Variants in DUSP10 observed in about 807,000 individuals in gnomAD.
The protein encoded by DUSP10 is dual specificity phosphatase 10, also known as dual specificity protein phosphatase 10.
DUSP10 carries 14 observed loss-of-function variants against 30.8 expected under a neutral mutation model. The observed-to-expected ratio is 0.46, with a 90% CI of 0.30 to 0.71. The LOEUF (loss-of-function observed/expected upper bound fraction) is 0.71. Ranked by LOEUF, DUSP10 falls within the 30% of genes least tolerant of loss-of-function variation. The pLI, the probability that DUSP10 is intolerant of heterozygous loss-of-function variation, is 0.08. For missense variants in DUSP10, 550 were observed against 619.4 expected, an observed-to-expected ratio of 0.89 and a Z score of 1.19; for synonymous variants, 254 against 250.4, an observed-to-expected ratio of 1.01 and a Z score of -0.14.
chr1:221,733,306 C>T (rs1235258329), intron 2 of DUSP10, among the ~76,000 whole-genome samples: 2 of 152,232 alleles, frequency 1.3e-5, no homozygotes, highest in Admixed American at 1.3e-4. Context: ...TCTCCCTTCT[C>T]CTTTCTCCTA....
intron 2 of DUSP10, among the ~76,000 whole-genome samples, chr1:221,732,957 A>G (rs1032059461): frequency 1.3e-5 from 2 of 152,248 alleles, no homozygotes; most frequent in African/African-American, 2.4e-5. Context: ...TTTAGTTCCA[A>G]AAAGGTGAGA....
chr1:221,723,791 T>A (rs1490431807), intron 2 of DUSP10, among the ~76,000 whole-genome samples: 1 of 152,256 alleles, frequency 6.6e-6, no homozygotes, highest in Non-Finnish European at 1.5e-5. Context: ...GACACAGCAA[T>A]GTGTTCACTA....
At chr1:221,741,251 G>A (rs535100780) in intron 1 of DUSP10, among the ~76,000 whole-genome samples, 17 of 152,196 alleles carry the variant, frequency 1.1e-4, no homozygotes, top group Non-Finnish European at 2.1e-4. Context: ...TATTCCAGAA[G>A]CTATAACTGT....
At position 221,732,735 on chromosome 1, in the gene DUSP10, C is replaced by T. The variant is rs77599661; in HGVS notation, c.811+6199G>A. On this transcript the variant is annotated intron_variant, in intron 2 of 3. Transcript: ENST00000366899. The stretch of plus-strand genomic sequence containing the variant: ...CCGGACTAGATCAATGGTTCTCAAA[C>T]TTTGCTGCCTGTTAGAATCACTTTG... Among the ~76,000 whole-genome samples the T allele has an allele frequency of 2.3e-3, 352 of 152,290 alleles. 2 individuals carry two copies. Among genetic ancestry groups the T allele is most frequent in the African/African-American group, 8.1e-3 (337 of 41,550 alleles).
At chr1:221,709,165 T>G (rs1660861080) in intron 2 of DUSP10, among the ~76,000 whole-genome samples, 1 of 152,138 alleles carries the variant, frequency 6.6e-6, no homozygotes. Context: ...AGACATACAA[T>G]GACATCAGTT....
intron 2 of DUSP10, among the ~76,000 whole-genome samples, chr1:221,734,418 C>A (rs1661704516): frequency 1.3e-5 from 2 of 152,202 alleles, no homozygotes; most frequent in Admixed American, 6.5e-5. Flanking sequence ...CTATACCTAG[C>A]TTGTTATTTG....
intron 2 of DUSP10, among the ~76,000 whole-genome samples, chr1:221,709,226 T>C (rs985613118): frequency 1.3e-5 from 2 of 152,262 alleles, no homozygotes; most frequent in East Asian, 3.9e-4. Context: ...AACTACTTTG[T>C]TTAAGGCCTT....
chr1:221,739,392 A>C lies in DUSP10; in HGVS notation c.353T>G (p.Val118Gly). The C allele has an allele frequency of 6.2e-7, 1 of 1,613,918 alleles. No homozygotes were observed. Among genetic ancestry groups the C allele is most frequent in the Admixed American group, 1.7e-5 (1 of 60,002 alleles). ...TSTTCPANQM[V>G]NNNENTGSLS... ...AGAGCCTGTATTCTCATTATTGTTG[A>C]CCATCTGGTTAGCAGGGCAGGTGGT... The change falls in exon 2 of 4, where the codon GTC becomes GGC. Residue 118 changes from valine (V) to glycine (G), a missense_variant. Coordinates refer to ENST00000366899, the MANE Select transcript of DUSP10 (RefSeq NM_007207.6).
intron 2 of DUSP10, among the ~76,000 whole-genome samples, chr1:221,721,821 G>C (rs1661286542): frequency 6.6e-6 from 1 of 152,160 alleles, no homozygotes; most frequent in Admixed American, 6.5e-5. Context: ...CCTCAATTCA[G>C]TTTAATATAC....
At chr1:221,710,290 G>C (rs1262864496) in intron 2 of DUSP10, among the ~76,000 whole-genome samples, 1 of 152,148 alleles carries the variant, frequency 6.6e-6, no homozygotes, top group Non-Finnish European at 1.5e-5. Flanking sequence ...GAGTATTGAG[G>C]CTGGACTTCT....
At chr1:221,737,266 C>T in intron 2 of DUSP10, 6 of 985,388 alleles carry the variant, frequency 6.1e-6, no homozygotes, top group Non-Finnish European at 7.2e-6. Context: ...ATCATGAACA[C>T]CTGCTCTGCG....
intron 2 of DUSP10, among the ~76,000 whole-genome samples, chr1:221,708,629 A>C (rs927269374): frequency 5.3e-5 from 8 of 152,260 alleles, no homozygotes; most frequent in African/African-American, 1.7e-4. Context: ...TATGACAATA[A>C]AGTTTGAACC....
At chr1:221,707,741 T>C (rs893998181) in intron 2 of DUSP10, among the ~76,000 whole-genome samples, 19 of 152,312 alleles carry the variant, frequency 1.2e-4, no homozygotes, top group African/African-American at 4.6e-4. Context: ...CCACGGAGTA[T>C]TATGTAGCCT....
chr1:221,707,906 G>C (rs1298882686), intron 2 of DUSP10, among the ~76,000 whole-genome samples: 1 of 152,146 alleles, frequency 6.6e-6, no homozygotes, highest in East Asian at 1.9e-4. Context: ...ACGGATCATA[G>C]TTTATTGTTT....
intron 2 of DUSP10, among the ~76,000 whole-genome samples, chr1:221,732,279 T>C (rs1558125800): frequency 6.6e-6 from 1 of 152,264 alleles, no homozygotes; most frequent in Non-Finnish European, 1.5e-5. Flanking sequence ...ATGGTTGGGC[T>C]TCTTTGATAC....
At chr1:221,719,232 A>G (rs1056299352) in intron 2 of DUSP10, among the ~76,000 whole-genome samples, 5 of 152,236 alleles carry the variant, frequency 3.3e-5, no homozygotes, top group Non-Finnish European at 2.9e-5. Context: ...TCACTTCACA[A>G]AAGGCATAGC....
intron 2 of DUSP10, among the ~76,000 whole-genome samples, chr1:221,716,231 GTGAT>G (rs1036403927): frequency 1.3e-5 from 2 of 152,204 alleles, no homozygotes; most frequent in African/African-American, 2.4e-5. Context: ...GCTGGGAAGA[GTGAT>G]TGAGCACTCA....
chr1:221,735,695 A>T (rs1661744798), intron 2 of DUSP10, among the ~76,000 whole-genome samples: 2 of 152,196 alleles, frequency 1.3e-5, no homozygotes, highest in Admixed American at 6.5e-5. Context: ...GAAGGCATAT[A>T]CTGTCTTTAA....
At chr1:221,716,710 G>A (rs537247720) in intron 2 of DUSP10, among the ~76,000 whole-genome samples, 14 of 152,306 alleles carry the variant, frequency 9.2e-5, no homozygotes, top group African/African-American at 3.1e-4. Context: ...GTCAGGGGCC[G>A]ACAGAAAGAC....
Sources: gnomAD v4.1 joint callset for allele counts (sites outside exome capture counted in the v4.1 genomes callset) on GRCh38, gnomAD v4.1.1 for gene constraint, MANE v1.5 for transcripts, NCBI Gene and HGNC (gene_info 2026-07-23, HGNC 2026-07-21) for gene names.